RSRC1: variants seen among roughly 807,000 people sequenced by gnomAD.
RSRC1 encodes the protein arginine and serine rich coiled-coil 1, also known as serine/Arginine-related protein 53.
In RSRC1, 39 loss-of-function variants were observed where a neutral mutation model predicts 49.1. The observed-to-expected ratio is 0.79, with a 90% CI of 0.61 to 1.04. The LOEUF is 1.04. Among genes scored for constraint, RSRC1 ranks in the 50% least tolerant of loss-of-function variants. RSRC1 has a pLI of 0.00. For synonymous variants in RSRC1, 143 were observed against 130.8 expected (o/e 1.09, Z -0.63); for missense variants, 388 against 402.4 (o/e 0.96, Z 0.31).
At chr3:158,202,435 T>C (rs1721096835) in intron 3 of RSRC1, among the ~76,000 whole-genome samples, 1 of 151,314 alleles carries the variant, frequency 6.6e-6, no homozygotes, top group Non-Finnish European at 1.5e-5. Context: ...TGCCTTGCTG[T>C]CTCAGTGGTG....
At chr3:158,114,084 G>A (rs962197047) in intron 1 of RSRC1, among the ~76,000 whole-genome samples, 10 of 152,134 alleles carry the variant, frequency 6.6e-5, no homozygotes, top group African/African-American at 2.4e-4. Flanking sequence ...CCTTTGTCCT[G>A]TATGGTATTG....
chr3:158,160,445 T>C (rs1211391594), intron 3 of RSRC1, among the ~76,000 whole-genome samples: 2 of 152,184 alleles, frequency 1.3e-5, no homozygotes, highest in Non-Finnish European at 2.9e-5. Flanking sequence ...AGGGGTGGAA[T>C]ACATATAGAG....
intron 6 of RSRC1, among the ~76,000 whole-genome samples, chr3:158,379,192 C>CTTTTTTT (rs768767131): frequency 3.2e-5 from 3 of 93,896 alleles, no homozygotes; most frequent in Admixed American, 1.2e-4. Context: ...AGAAATACCA[C>CTTTTTTT]TTTTTTTTTT....
At chr3:158,343,121 G>A (rs1369023824) in intron 5 of RSRC1, among the ~76,000 whole-genome samples, 3 of 152,294 alleles carry the variant, frequency 2.0e-5, no homozygotes, top group Non-Finnish European at 2.9e-5. Flanking sequence ...TTGGGAAATA[G>A]CCACCTAAAA....
chr3:158,329,956 G>A (rs1035844977), intron 5 of RSRC1, among the ~76,000 whole-genome samples: 9 of 152,200 alleles, frequency 5.9e-5, no homozygotes, highest in African/African-American at 1.9e-4. Context: ...CACCAGCCTC[G>A]CTGCCGCCTT....
intron 5 of RSRC1, among the ~76,000 whole-genome samples, chr3:158,350,951 TG>T (rs1451381163): frequency 6.6e-6 from 1 of 152,146 alleles, no homozygotes; most frequent in Non-Finnish European, 1.5e-5. Context: ...TAACTAAAAA[TG>T]GGTTGGTATG....
intron 7 of RSRC1, among the ~76,000 whole-genome samples, chr3:158,475,744 C>G (rs1253162149): frequency 6.6e-6 from 1 of 152,040 alleles, no homozygotes; most frequent in East Asian, 1.9e-4. Flanking sequence ...CTCTCTCTCT[C>G]TCCCTGGCCT....
At chr3:158,255,315 A>C (rs967755928) in intron 4 of RSRC1, among the ~76,000 whole-genome samples, 3 of 152,198 alleles carry the variant, frequency 2.0e-5, no homozygotes, top group African/African-American at 7.2e-5. Flanking sequence ...CATTTATTAA[A>C]TAGGGAATCC....
intron 4 of RSRC1, among the ~76,000 whole-genome samples, chr3:158,244,254 G>A (rs1723759200): frequency 6.6e-6 from 1 of 152,104 alleles, no homozygotes; most frequent in African/African-American, 2.4e-5. Flanking sequence ...ATTGGCAATA[G>A]GTTTGTCACA....
At chr3:158,543,171 CTG>C (rs1040923161) in intron 8 of RSRC1, among the ~76,000 whole-genome samples, 162 bp from the exon 9 acceptor site, 1 of 151,954 alleles carries the variant, frequency 6.6e-6, no homozygotes, top group Non-Finnish European at 1.5e-5. Context: ...AATAAAATAA[CTG>C]TATTTCTAAA....
Position 158,535,624 on chromosome 3 carries a change from T to C in RSRC1, c.653-1468T>C, listed in dbSNP as rs118061021. ...CTAATTTCAGGTCTGGGACAGAAAC[T>C]GTTCAAGATGATCCTACAACTATTA... On this transcript the variant is annotated intron_variant, in intron 7 of 9. Coordinates refer to ENST00000611884, the MANE Select transcript of RSRC1 (RefSeq NM_001271838.2). 2.0e-4 allele frequency among the ~76,000 whole-genome samples: 30 copies of C among 151,484 alleles called. No homozygotes were observed. In the East Asian group the frequency reaches 5.8e-3, roughly 29 times the overall value.
At chr3:158,325,466 A>C (rs1297440110) in intron 5 of RSRC1, among the ~76,000 whole-genome samples, 4 of 152,118 alleles carry the variant, frequency 2.6e-5, no homozygotes, top group East Asian at 1.9e-4. Flanking sequence ...GTTTTCCCAG[A>C]ACCATTTATT....
At chr3:158,315,332 TA>T (rs1399987309) in intron 5 of RSRC1, among the ~76,000 whole-genome samples, 1 of 152,124 alleles carries the variant, frequency 6.6e-6, no homozygotes, top group African/African-American at 2.4e-5. Flanking sequence ...GAAATTCAGG[TA>T]AAAAATCCAA....
At chr3:158,413,074 T>C (rs1164415099) in intron 6 of RSRC1, among the ~76,000 whole-genome samples, 1 of 152,184 alleles carries the variant, frequency 6.6e-6, no homozygotes, top group Non-Finnish European at 1.5e-5. Flanking sequence ...GGAATCATGC[T>C]GCCTGACTTC....
At chr3:158,299,663 T>C (rs1010069484) in intron 5 of RSRC1, among the ~76,000 whole-genome samples, 1 of 152,316 alleles carries the variant, frequency 6.6e-6, no homozygotes, top group East Asian at 1.9e-4. Context: ...TTGTAAATTA[T>C]TATTTATTAA....
intron 6 of RSRC1, among the ~76,000 whole-genome samples, chr3:158,402,153 T>G (rs1733925585): frequency 6.6e-6 from 1 of 151,944 alleles, no homozygotes; most frequent in East Asian, 1.9e-4. Flanking sequence ...AGCTAGAGTT[T>G]AATTATTTCA....
intron 3 of RSRC1, among the ~76,000 whole-genome samples, chr3:158,163,956 C>T (rs1413601799): frequency 6.6e-6 from 1 of 152,012 alleles, no homozygotes; most frequent in Non-Finnish European, 1.5e-5. Flanking sequence ...TACTATAAGT[C>T]TTCATCTGTA....
At chr3:158,145,245 T>C (rs1173640413) in intron 3 of RSRC1, among the ~76,000 whole-genome samples, 1 of 152,246 alleles carries the variant, frequency 6.6e-6, no homozygotes, top group African/African-American at 2.4e-5. Context: ...GGTTTTCTTC[T>C]AGGGTTTTTC....
intron 3 of RSRC1, among the ~76,000 whole-genome samples, chr3:158,197,042 T>G (rs1720668709): frequency 6.6e-6 from 1 of 152,196 alleles, no homozygotes; most frequent in South Asian, 2.1e-4. Flanking sequence ...GATTCCCTCT[T>G]TTTCTATTGA....
Sources: gnomAD v4.1 joint callset for allele counts (sites outside exome capture counted in the v4.1 genomes callset) on GRCh38, gnomAD v4.1.1 for gene constraint, MANE v1.5 for transcripts, NCBI Gene and HGNC (gene_info 2026-07-23, HGNC 2026-07-21) for gene names.